The following CHD6 variants were observed in gnomAD, a reference collection of about 807,000 sequenced individuals.
The protein encoded by CHD6 is chromodomain helicase DNA binding protein 6.
CHD6 carries 50 observed loss-of-function variants against 276.9 expected under a neutral mutation model. The ratio of observed to expected loss-of-function variants is 0.18; its 90% CI spans 0.14 to 0.23. The LOEUF is 0.23. CHD6 is among the 10% of genes least tolerant of loss of function. The pLI is 1.00. For synonymous variants in CHD6, 1,173 were observed against 1,229.3 expected, an observed-to-expected ratio of 0.95 and a Z score of 0.96; for missense variants, 2,564 against 3,365.8, an observed-to-expected ratio of 0.76 and a Z score of 5.89.
chr20:41,584,161 C>T (rs561164423), intron 1 of CHD6, among the ~76,000 whole-genome samples: 1 of 151,952 alleles, frequency 6.6e-6, no homozygotes, highest in South Asian at 2.1e-4. Flanking sequence ...AAAAAGATAC[C>T]AAGCACATAC....
intron 1 of CHD6, among the ~76,000 whole-genome samples, chr20:41,577,322 T>G (rs1179486192): frequency 1.3e-5 from 2 of 152,206 alleles, no homozygotes; most frequent in Non-Finnish European, 2.9e-5. Context: ...AAGATTTATC[T>G]GGGTGGCCGC....
chr20:41,521,300 C>T (rs1249767856), intron 3 of CHD6, among the ~76,000 whole-genome samples: 3 of 152,128 alleles, frequency 2.0e-5, no homozygotes, highest in Non-Finnish European at 4.4e-5. Context: ...GAAAGTATAG[C>T]AAACCAATTC....
intron 1 of CHD6, among the ~76,000 whole-genome samples, chr20:41,592,146 T>C (rs1203648355): frequency 6.6e-6 from 1 of 152,150 alleles, no homozygotes; most frequent in African/African-American, 2.4e-5. Flanking sequence ...GTGAGTCCAA[T>C]GGTCACAGGT....
intron 30 of CHD6, among the ~76,000 whole-genome samples, chr20:41,423,215 A>G (rs2047253220): frequency 6.6e-6 from 1 of 152,220 alleles, no homozygotes; most frequent in African/African-American, 2.4e-5. Flanking sequence ...AAAAACCCTT[A>G]TACTTTGGAG....
At chr20:41,498,303 T>G in intron 6 of CHD6, 77 bp from the exon 7 acceptor site, 1 of 950,234 alleles carries the variant, frequency 1.1e-6, no homozygotes, top group South Asian at 1.5e-5. Flanking sequence ...AAACAGGTAA[T>G]CAATATCTCT....
In CHD6 at chr20:41,452,954, G is replaced by A; in HGVS notation, c.3121-12C>T. The A allele has an allele frequency of 3.1e-6, 5 of 1,608,318 alleles. No individual in the cohort carries two copies. The highest frequency in any genetic ancestry group is 1.3e-5 in the African/African-American group (1 of 74,862). On this transcript the variant is annotated splice_polypyrimidine_tract_variant and intron_variant, in intron 20 of 36. Coordinates refer to ENST00000373233, the MANE Select transcript of CHD6 (RefSeq NM_032221.5). The surrounding 1 kb of genome is among the most constrained non-coding windows in gnomAD (Gnocchi z 4.2). The stretch of plus-strand genomic sequence containing the variant: ...ATCACTAAGCTTTCCTAGAAATGGA[G>A]AGGACTACTGGGAAGAAAGTCCTCT...
At chr20:41,615,833 A>C (rs1394247846) in intron 1 of CHD6, among the ~76,000 whole-genome samples, 1 of 152,256 alleles carries the variant, frequency 6.6e-6, no homozygotes, top group African/African-American at 2.4e-5. Flanking sequence ...ATGGTATAAC[A>C]CAGGAAGACA....
chr20:41,543,321 T>G (rs2044982303), intron 2 of CHD6, among the ~76,000 whole-genome samples: 1 of 152,130 alleles, frequency 6.6e-6, no homozygotes, highest in African/African-American at 2.4e-5. Flanking sequence ...GGGATTTGAC[T>G]CCCATTTCAA....
Position 41,487,743 on chromosome 20 carries a change from T to C in CHD6, c.1923A>G (p.Leu641=). The C allele has an allele frequency of 6.2e-7, 1 of 1,611,844 alleles. No homozygotes were observed. Among genetic ancestry groups the C allele is most frequent in the Non-Finnish European group, 8.5e-7 (1 of 1,179,424 alleles). Residue 641 remains leucine, a synonymous_variant, in exon 14 of 37, where the codon TTA becomes TTG. Coordinates refer to ENST00000373233, the MANE Select transcript of CHD6 (RefSeq NM_032221.5). The part of the protein sequence containing the change: ...QNSVEELFSL[L]NFLEPSQFPS... ...GAAACTGTGATGGCTCCAGAAAATT[T>C]AACAAACTGAAGAGCTCCTCCACAG...
intron 2 of CHD6, among the ~76,000 whole-genome samples, chr20:41,536,416 A>C (rs1289212569): frequency 1.3e-5 from 2 of 152,208 alleles, no homozygotes; most frequent in East Asian, 1.9e-4. Flanking sequence ...TAAAGACTTG[A>C]ATCTAGATAA....
rs749174781 is a variant in CHD6, at chr20:41,403,306, G to GT, written c.*1286dup. 22 of 1,063,272 alleles carry GT rather than the reference G, an allele frequency of 2.1e-5. No individual in the cohort carries two copies. The highest frequency in any genetic ancestry group is 3.3e-5 in the African/African-American group (2 of 60,964). 65.9% of individuals were successfully genotyped at this position (1,063,272 alleles called of 1,614,324 possible). A position where few individuals can be genotyped will look rare whatever the true frequency, so the allele number is the denominator to read the frequency against. ...ATGAGCTTACTTCAAGTCTCAGAGT[G>GT]TGAACTACCTGTGAAGAGTGAGACC... On this transcript the variant is annotated 3_prime_UTR_variant, in exon 37 of 37. Coordinates refer to ENST00000373233, the MANE Select transcript of CHD6 (RefSeq NM_032221.5).
At chr20:41,555,260 C>T (rs1453675351) in intron 1 of CHD6, among the ~76,000 whole-genome samples, 8 of 135,120 alleles carry the variant, frequency 5.9e-5, no homozygotes, top group South Asian at 2.5e-4. Flanking sequence ...CCCTCCTGGA[C>T]GGGGCGGCTG....
At chr20:41,505,265 C>A in intron 5 of CHD6, among the ~76,000 whole-genome samples, 1 of 152,136 alleles carries the variant, frequency 6.6e-6, no homozygotes, top group East Asian at 1.9e-4. Flanking sequence ...GTAAGTACCA[C>A]GCAACTATGA....
At chr20:41,487,961 T>C (rs2043457554) in intron 13 of CHD6, among the ~76,000 whole-genome samples, 153 bp from the exon 14 acceptor site, 1 of 152,158 alleles carries the variant, frequency 6.6e-6, no homozygotes, top group Admixed American at 6.5e-5. Flanking sequence ...AGGGGTACAG[T>C]CAATAAACGA....
chr20:41,561,262 TA>T (rs1799326837), intron 1 of CHD6, among the ~76,000 whole-genome samples: 1 of 152,228 alleles, frequency 6.6e-6, no homozygotes, highest in Admixed American at 6.5e-5. Flanking sequence ...CCTTATTTAT[TA>T]AATCAACATT....
intron 3 of CHD6, among the ~76,000 whole-genome samples, chr20:41,531,597 C>T (rs779283962): frequency 2.0e-5 from 3 of 152,162 alleles, no homozygotes; most frequent in South Asian, 2.1e-4. Flanking sequence ...CTCTCTTGGC[C>T]GTCTGTAAGG....
At chr20:41,417,515 G>A (rs191648168) in intron 31 of CHD6, among the ~76,000 whole-genome samples, 166 bp from the exon 32 acceptor site, 95 of 152,258 alleles carry the variant, frequency 6.2e-4, no homozygotes, top group Admixed American at 1.4e-3. Context: ...CAGGAGAACC[G>A]TATCAGTTAA....
At chr20:41,407,256 C>G (rs1311742966) in intron 36 of CHD6, among the ~76,000 whole-genome samples, 1 of 152,092 alleles carries the variant, frequency 6.6e-6, no homozygotes, top group Non-Finnish European at 1.5e-5. Flanking sequence ...ATGTGACAAG[C>G]AGCAGCTGAG....
chr20:41,578,505 A>C (rs1381629560), intron 1 of CHD6, among the ~76,000 whole-genome samples: 1 of 152,088 alleles, frequency 6.6e-6, no homozygotes, highest in Non-Finnish European at 1.5e-5. Context: ...GGTAACAATC[A>C]CCAAGGAATG....
Sources: gnomAD v4.1 joint callset for allele counts (sites outside exome capture counted in the v4.1 genomes callset) on GRCh38, gnomAD v4.1.1 for gene constraint, Gnocchi (gnomAD v3.1) non-coding constraint, MANE v1.5 for transcripts, NCBI Gene and HGNC (gene_info 2026-07-23, HGNC 2026-07-21) for gene names.